FAM133A: variants seen among roughly 807,000 people sequenced by gnomAD.
The protein encoded by FAM133A is family with sequence similarity 133 member A.
For missense variants in FAM133A, 159 were observed against 164.4 expected (o/e 0.97, Z 0.18); for synonymous variants, 65 against 58.6 (o/e 1.11, Z -0.50).
Position 93,698,480 on chromosome X carries a change from A to G in FAM133A, c.-109A>G, listed in dbSNP as rs900329008. 3.6e-5 allele frequency: 4 copies of G among 111,931 alleles called. No homozygotes were observed. Among genetic ancestry groups the G allele is most frequent in the African/African-American group, 6.5e-5 (2 of 30,811 alleles). 9.2% of individuals were successfully genotyped at this position (111,931 alleles called of 1,213,427 possible). Reference sequence around the variant, plus strand: ...AGAGTGTGTGTTATCCTGCAAGCCAATTGAGGTAAGTGTTTCAAGGAAGAG... The same window carrying G: ...AGAGTGTGTGTTATCCTGCAAGCCAGTTGAGGTAAGTGTTTCAAGGAAGAG... On this transcript the variant is annotated 5_prime_UTR_variant, in exon 3 of 4. Transcript: ENST00000683942.
chrX:93,685,437 C>T (rs760571622), intron 2 of FAM133A, among the ~76,000 whole-genome samples: 26 of 111,475 alleles, frequency 2.3e-4, no homozygotes, highest in Non-Finnish European at 4.9e-4. Flanking sequence ...AGGGAGATTG[C>T]ACTTTTTCTG....
At chrX:93,700,528 G>GT (rs1483225027) in intron 3 of FAM133A, among the ~76,000 whole-genome samples, 1 of 111,205 alleles carries the variant, frequency 9.0e-6, no homozygotes, top group Non-Finnish European at 1.9e-5. Flanking sequence ...CCCTCCACAT[G>GT]TTTTTTCAAA....
intron 2 of FAM133A, among the ~76,000 whole-genome samples, chrX:93,681,360 G>A (rs1285844349): frequency 2.7e-5 from 3 of 110,150 alleles, no homozygotes; most frequent in African/African-American, 9.9e-5. Context: ...GGACAAAATG[G>A]AGGAAGCCCA....
chrX:93,684,787 A>T (rs916619261), intron 2 of FAM133A, among the ~76,000 whole-genome samples: 2 of 112,275 alleles, frequency 1.8e-5, no homozygotes, highest in Non-Finnish European at 3.8e-5. Flanking sequence ...CAAACATTTA[A>T]CACAATAATG....
intron 2 of FAM133A, among the ~76,000 whole-genome samples, chrX:93,696,614 G>A (rs899330119): frequency 9.0e-6 from 1 of 111,577 alleles, no homozygotes; most frequent in Non-Finnish European, 1.9e-5. Flanking sequence ...CTAAGAGCTG[G>A]AAATTGCTTA....
In FAM133A at chrX:93,710,372, A is replaced by G. The variant is rs1927368519; in HGVS notation, c.*206A>G. The G allele has an allele frequency of 5.9e-6, 2 of 341,256 alleles. No homozygotes were observed. Among genetic ancestry groups the G allele is most frequent in the Non-Finnish European group, 1.0e-5 (2 of 196,123 alleles). The allele number at this position is 341,256 out of a possible 1,213,427, so 28.1% of individuals were successfully genotyped here. On this transcript the variant is annotated 3_prime_UTR_variant, in exon 4 of 4. Transcript: ENST00000683942. ...AGAGCTAAAATTCTGTTGTCATACC[A>G]GTGAATAAAATGTTTGAAATTAAAG...
intron 2 of FAM133A, among the ~76,000 whole-genome samples, chrX:93,678,567 C>T (rs1329402159): frequency 9.0e-6 from 1 of 111,681 alleles, no homozygotes; most frequent in African/African-American, 3.3e-5. Flanking sequence ...CCCAAAGTCA[C>T]AATTATTTTC....
In FAM133A at chrX:93,698,742, G is replaced by A. The variant is rs1449955084; in HGVS notation, c.-104+257G>A. 4.5e-5 allele frequency among the ~76,000 whole-genome samples: 5 copies of A among 111,521 alleles called. No homozygotes were observed. The East Asian group carries it at 1.4e-3, about 31-fold the overall frequency. ...TTGCTGAAACAGTAAGCAGAGAAAT[G>A]GAGCAATAGATTTTAGAGGAAATGA... On this transcript the variant is annotated intron_variant, in intron 3 of 3. Transcript: ENST00000683942.
chrX:93,696,876 C>T (rs1413074797), intron 2 of FAM133A, among the ~76,000 whole-genome samples: 2 of 107,988 alleles, frequency 1.9e-5, no homozygotes, highest in African/African-American at 3.4e-5. Context: ...GCCGAGATCG[C>T]GCCACTGCAC....
intron 2 of FAM133A, among the ~76,000 whole-genome samples, chrX:93,695,522 G>C: frequency 9.1e-6 from 1 of 110,494 alleles, no homozygotes; most frequent in African/African-American, 3.3e-5. Context: ...CAAAGTGCTG[G>C]GATTACAGGC....
At chrX:93,704,555 T>C (rs962658471) in intron 3 of FAM133A, among the ~76,000 whole-genome samples, 2 of 112,066 alleles carry the variant, frequency 1.8e-5, no homozygotes, top group Non-Finnish European at 3.8e-5. Flanking sequence ...TCTGTGAGAA[T>C]TTATCTACAA....
At chrX:93,679,747 CTTTTT>C (rs752855592) in intron 2 of FAM133A, among the ~76,000 whole-genome samples, 9 of 58,765 alleles carry the variant, frequency 1.5e-4, no homozygotes, top group African/African-American at 6.0e-4. Context: ...TGAAATGTGT[CTTTTT>C]TTTTTTTTTT....
rs142975759 is a variant in FAM133A at position 93,705,780 on chromosome X, T to C, written c.-103-3537T>C. Reference sequence around the variant, plus strand: ...TTCCTTTCTGTTTTCTCTGTGATATTGCCACATTAGTTATTTCTTCTCTTA... The same window carrying C: ...TTCCTTTCTGTTTTCTCTGTGATATCGCCACATTAGTTATTTCTTCTCTTA... On this transcript the variant is annotated intron_variant, in intron 3 of 3. Coordinates refer to ENST00000683942, the MANE Select transcript of FAM133A (RefSeq NM_001171109.2). Among the ~76,000 whole-genome samples the C allele has an allele frequency of 5.5e-3, 608 of 111,503 alleles. 3 individuals are homozygous for C. The highest frequency in any genetic ancestry group is 0.019 in the African/African-American group (588 of 30,775).
chrX:93,677,071 A>T (rs1163748736), intron 2 of FAM133A, among the ~76,000 whole-genome samples: 1 of 110,956 alleles, frequency 9.0e-6, no homozygotes, highest in Non-Finnish European at 1.9e-5. Flanking sequence ...GTTTTATCAT[A>T]TCATATGCTT....
At chrX:93,678,168 T>A (rs1349655591) in intron 2 of FAM133A, among the ~76,000 whole-genome samples, 1 of 111,708 alleles carries the variant, frequency 9.0e-6, no homozygotes, top group Non-Finnish European at 1.9e-5. Context: ...TCCACATATC[T>A]TTTTTGGTGA....
At chrX:93,706,826 ACT>A (rs1927071400) in intron 3 of FAM133A, among the ~76,000 whole-genome samples, 1 of 110,550 alleles carries the variant, frequency 9.0e-6, no homozygotes, top group African/African-American at 3.3e-5. Flanking sequence ...TTGAGTTCAG[ACT>A]CTTTCATTTC....
Position 93,710,230 on chromosome X carries a change from A to T in FAM133A, c.*64A>T. ...CCTGTGTTAGTAGAATTATTTCTGG[A>T]CTTTGAGTTGCCTATCAAATCCCAC... On this transcript the variant is annotated 3_prime_UTR_variant, in exon 4 of 4. Coordinates refer to ENST00000683942, the MANE Select transcript of FAM133A (RefSeq NM_001171109.2). 1 of 1,097,522 alleles carries T rather than the reference A, an allele frequency of 9.1e-7. No individual in the cohort carries two copies. Among genetic ancestry groups the T allele is most frequent in the East Asian group, 3.2e-5 (1 of 31,450 alleles). 90.4% of individuals were successfully genotyped at this position (1,097,522 alleles called of 1,213,427 possible).
rs188633142 is a variant in FAM133A, at chrX:93,686,227, G to A, written c.-193+11475G>A. 9.2e-5 allele frequency among the ~76,000 whole-genome samples: 10 copies of A among 108,915 alleles called. No homozygotes were observed. The East Asian group carries it at 2.6e-3, about 28-fold the overall frequency. The allele number at this position is 108,915 out of a possible 115,157, so 94.6% of individuals were successfully genotyped here. On this transcript the variant is annotated intron_variant, in intron 2 of 3. Coordinates refer to ENST00000683942, the MANE Select transcript of FAM133A (RefSeq NM_001171109.2). ...TAAAGCCAGAATGACATAGGGATAA[G>A]AACATCAGTTTTGAAGATTTAAATT...
intron 2 of FAM133A, among the ~76,000 whole-genome samples, chrX:93,687,181 C>T (rs1925586451): frequency 8.9e-6 from 1 of 112,054 alleles, no homozygotes; most frequent in Non-Finnish European, 1.9e-5. Context: ...AATAAAATGG[C>T]CTTTGCTGCA....
Sources: gnomAD v4.1 joint callset for allele counts (sites outside exome capture counted in the v4.1 genomes callset) on GRCh38, gnomAD v4.1.1 for gene constraint, MANE v1.5 for transcripts, NCBI Gene and HGNC (gene_info 2026-07-23, HGNC 2026-07-21) for gene names.